ASXL2: variants seen among roughly 807,000 people sequenced by gnomAD.
ASXL2 encodes the protein ASXL transcriptional regulator 2, also known as putative Polycomb group protein ASXL2.
ASXL2 carries 23 observed loss-of-function variants against 122.0 expected under a neutral mutation model. The observed-to-expected ratio is 0.19, with a 90% CI of 0.14 to 0.27. The LOEUF is 0.27. Among genes scored for constraint, ASXL2 ranks in the 10% least tolerant of loss-of-function variants. The pLI is 1.00. For missense variants in ASXL2, 1,518 were observed against 1,713.8 expected (o/e 0.89, Z 2.02); for synonymous variants, 650 against 637.0 (o/e 1.02, Z -0.31).
chr2:25,750,480 A>G, intron 11 of ASXL2, 67 bp from the exon 12 acceptor site: 1 of 1,371,862 alleles, frequency 7.3e-7, no homozygotes, highest in Non-Finnish European at 1.0e-6. Context: ...ATTCATTAAT[A>G]GAGATAATGG....
intron 11 of ASXL2, among the ~76,000 whole-genome samples, chr2:25,753,066 C>G (rs1456560297): frequency 6.6e-6 from 1 of 151,362 alleles, no homozygotes; most frequent in African/African-American, 2.4e-5. Context: ...CTCACAGGTT[C>G]AAGCGATTCT....
rs1455249894 is a variant in ASXL2, at chr2:25,753,652, C to CA, written c.1037-14dup. On this transcript the variant is annotated splice_polypyrimidine_tract_variant and intron_variant, in intron 10 of 12. Transcript: ENST00000435504. The stretch of plus-strand genomic sequence containing the variant: ...GGTGTAAACTCACCTGCAATGTACC[C>CA]AAAAAAGGATATTCAATAGAAAAAT... 8.3e-6 allele frequency: 13 copies of CA among 1,574,816 alleles called. No homozygotes were observed. The highest frequency in any genetic ancestry group is 9.5e-6 in the Non-Finnish European group (11 of 1,155,168).
chr2:25,842,907 C>G (rs1202928843), intron 2 of ASXL2, among the ~76,000 whole-genome samples: 1 of 151,348 alleles, frequency 6.6e-6, no homozygotes, highest in Non-Finnish European at 1.5e-5. Flanking sequence ...CTGCAACCTC[C>G]ACCTCCCAGG....
intron 3 of ASXL2, among the ~76,000 whole-genome samples, chr2:25,824,422 A>G (rs942041973): frequency 6.6e-6 from 1 of 152,162 alleles, no homozygotes; most frequent in African/African-American, 2.4e-5. Context: ...TAATGTAAAA[A>G]TAACTGAACT....
chr2:25,814,918 T>C (rs2089215030), intron 3 of ASXL2, among the ~76,000 whole-genome samples: 1 of 152,182 alleles, frequency 6.6e-6, no homozygotes, highest in South Asian at 2.1e-4. Context: ...CACCCTTAAT[T>C]TACTCATCTG....
At chr2:25,766,965 T>C (rs1358311133) in intron 8 of ASXL2, among the ~76,000 whole-genome samples, 1 of 152,192 alleles carries the variant, frequency 6.6e-6, no homozygotes, top group African/African-American at 2.4e-5. Flanking sequence ...TCTGCAACCT[T>C]ATGTGGCTGC....
intron 2 of ASXL2, among the ~76,000 whole-genome samples, chr2:25,842,786 GTGTGTGTATA>G (rs911334868): frequency 4.0e-5 from 5 of 126,392 alleles, no homozygotes; most frequent in African/African-American, 1.8e-4. Context: ...GTGTGTGTGT[GTGTGTGTATA>G]TATATATATA....
At chr2:25,768,599 T>C in intron 7 of ASXL2, 143 bp downstream of exon 7, 1 of 896,218 alleles carries the variant, frequency 1.1e-6, no homozygotes, top group South Asian at 2.2e-5. Flanking sequence ...TTATCCTGGA[T>C]TTATATTGAT....
chr2:25,805,573 G>A (rs1160964062), intron 4 of ASXL2, among the ~76,000 whole-genome samples: 1 of 151,814 alleles, frequency 6.6e-6, no homozygotes, highest in African/African-American at 2.4e-5. Context: ...AGAATGTAAT[G>A]TAAAGCATCT....
At chr2:25,768,131 G>GT (rs1197101578) in intron 7 of ASXL2, among the ~76,000 whole-genome samples, 2 of 152,174 alleles carry the variant, frequency 1.3e-5, no homozygotes, top group African/African-American at 2.4e-5. Flanking sequence ...CTCAAAGGTT[G>GT]TATGTATTCT....
At chr2:25,850,667 T>C (rs2089704613) in intron 1 of ASXL2, among the ~76,000 whole-genome samples, 1 of 152,224 alleles carries the variant, frequency 6.6e-6, no homozygotes, top group Non-Finnish European at 1.5e-5. Flanking sequence ...TATTATAAAG[T>C]TTCCCATCAG....
chr2:25,794,570 C>A (rs932162929), intron 5 of ASXL2, among the ~76,000 whole-genome samples: 1 of 152,174 alleles, frequency 6.6e-6, no homozygotes, highest in Admixed American at 6.5e-5. Context: ...CCACTTTACA[C>A]AGAAATCAAT....
At chr2:25,773,644 C>T (rs565457371) in intron 5 of ASXL2, among the ~76,000 whole-genome samples, 13 of 142,300 alleles carry the variant, frequency 9.1e-5, no homozygotes, top group Admixed American at 2.2e-4. Flanking sequence ...CCAGCCTGGG[C>T]GACAGAGAGA....
chr2:25,811,908 C>T lies in ASXL2; in HGVS notation c.144-5571G>A, dbSNP rs1000048715. ...CTGGGATTAGAGGCACACACCACCACACCCAGCTAATTTTTGTATTTTTAG... is the reference window on the plus strand; with the variant it reads ...CTGGGATTAGAGGCACACACCACCATACCCAGCTAATTTTTGTATTTTTAG... On this transcript the variant is annotated intron_variant, in intron 3 of 12. Coordinates refer to ENST00000435504, the MANE Select transcript of ASXL2 (RefSeq NM_018263.6). Among the ~76,000 whole-genome samples the T allele has an allele frequency of 3.9e-5, 6 of 151,960 alleles. 1 individual carries two copies. The South Asian group carries it at 1.2e-3, about 32-fold the overall frequency.
At chr2:25,762,095 G>A (rs970906214) in intron 8 of ASXL2, among the ~76,000 whole-genome samples, 5 of 152,042 alleles carry the variant, frequency 3.3e-5, no homozygotes, top group African/African-American at 1.2e-4. Flanking sequence ...GCACTGAATT[G>A]TTGTATTTCC....
At chr2:25,784,256 T>G (rs1027386826) in intron 5 of ASXL2, among the ~76,000 whole-genome samples, 5 of 151,716 alleles carry the variant, frequency 3.3e-5, no homozygotes, top group Admixed American at 6.6e-5. Context: ...GTCTCCCAAC[T>G]AAAAAAAGAA....
chr2:25,844,204 G>C (rs2149192718), intron 2 of ASXL2, among the ~76,000 whole-genome samples: 1 of 152,188 alleles, frequency 6.6e-6, no homozygotes, highest in South Asian at 2.1e-4. Context: ...ATCTAACATA[G>C]ACTCCCAAAT....
At chr2:25,778,779 T>C (rs967463669) in intron 5 of ASXL2, among the ~76,000 whole-genome samples, 1 of 152,180 alleles carries the variant, frequency 6.6e-6, no homozygotes, top group African/African-American at 2.4e-5. Flanking sequence ...TCACAGAAAG[T>C]TGTCCCAGGC....
chr2:25,849,998 A>C (rs1245502487), intron 1 of ASXL2, among the ~76,000 whole-genome samples: 1 of 152,216 alleles, frequency 6.6e-6, no homozygotes, highest in Non-Finnish European at 1.5e-5. Flanking sequence ...TCACCAAATG[A>C]GAGAGAACAT....
Sources: allele counts gnomAD v4.1 joint callset (sites outside exome capture counted in the v4.1 genomes callset), GRCh38; gene constraint gnomAD v4.1.1; transcripts MANE v1.5; gene names NCBI Gene and HGNC (gene_info 2026-07-23, HGNC 2026-07-21).